Variants in NRXN1 observed in about 807,000 individuals in gnomAD.
NRXN1 encodes neurexin 1.
Under a neutral mutation model 150.9 loss-of-function variants are expected in NRXN1, and 39 were observed. That is an observed-to-expected ratio of 0.26 (90% confidence interval 0.20 to 0.34). The LOEUF (loss-of-function observed/expected upper bound fraction) is 0.34. NRXN1 is among the 10% of genes least tolerant of loss of function. The pLI is 1.00. For missense variants in NRXN1, 1,815 were observed against 1,949.9 expected, an observed-to-expected ratio of 0.93 and a Z score of 1.30; for synonymous variants, 924 against 757.0, an observed-to-expected ratio of 1.22 and a Z score of -3.62.
At chr2:50,355,294 A>C (rs1228587785) in intron 17 of NRXN1, among the ~76,000 whole-genome samples, 3 of 148,442 alleles carry the variant, frequency 2.0e-5, no homozygotes. Flanking sequence ...ATATATACAT[A>C]TATATATATT....
intron 8 of NRXN1, among the ~76,000 whole-genome samples, chr2:50,566,880 A>G (rs959008310): frequency 6.6e-6 from 1 of 151,880 alleles, no homozygotes; most frequent in Admixed American, 6.6e-5. Context: ...CACTTTCTCA[A>G]TCTCATCATC....
chr2:50,912,696 T>G (rs1684689188), intron 5 of NRXN1, among the ~76,000 whole-genome samples: 1 of 151,106 alleles, frequency 6.6e-6, no homozygotes, highest in South Asian at 2.1e-4. Context: ...GTGAGCTACT[T>G]GAACATGTTT....
intron 21 of NRXN1, among the ~76,000 whole-genome samples, chr2:49,982,236 G>C (rs1289403184): frequency 6.6e-6 from 1 of 152,126 alleles, no homozygotes; most frequent in Non-Finnish European, 1.5e-5. Context: ...ATTATCAATA[G>C]ATTTCATGAA....
At position 50,680,420 on chromosome 2, in the gene NRXN1, C is replaced by A. The variant is rs1047094401; in HGVS notation, c.833-56805G>T. The stretch of plus-strand genomic sequence containing the variant: ...AAAAAGAAAAAAGATTTTAAAATAG[C>A]AAGCAAGCTTTTGCTTTTCTTAAGA... On this transcript the variant is annotated intron_variant, in intron 5 of 22. Transcript: ENST00000401669. Among the ~76,000 whole-genome samples the A allele has an allele frequency of 2.6e-5, 4 of 151,958 alleles. 1 individual carries two copies. The South Asian group carries it at 8.3e-4, about 31-fold the overall frequency.
intron 5 of NRXN1, among the ~76,000 whole-genome samples, chr2:50,842,688 G>A (rs1282051433): frequency 2.0e-5 from 3 of 152,142 alleles, no homozygotes. Context: ...AGAAAAAAGT[G>A]TACATAAATG....
chr2:50,312,009 T>A (rs1273998713), intron 17 of NRXN1, among the ~76,000 whole-genome samples: 1 of 152,148 alleles, frequency 6.6e-6, no homozygotes, highest in African/African-American at 2.4e-5. Flanking sequence ...ATAGTTAGTG[T>A]CCCTCCTGGC....
At chr2:50,606,120 T>C (rs1317022597) in intron 8 of NRXN1, among the ~76,000 whole-genome samples, 2 of 151,734 alleles carry the variant, frequency 1.3e-5, no homozygotes, top group Non-Finnish European at 2.9e-5. Context: ...CATGGTGGCA[T>C]AGGCCTATAA....
In NRXN1 at chr2:50,623,310, T is replaced by C. The variant is rs1322456089; in HGVS notation, c.1134+4A>G. The C allele has an allele frequency of 1.9e-6, 3 of 1,611,092 alleles. No homozygotes were observed. Among genetic ancestry groups the C allele is most frequent in the Non-Finnish European group, 2.5e-6 (3 of 1,177,710 alleles). ...AGTTACTCTCTTATCCACTGCGCTG[T>C]TACCTGACGCAGATTCCTGGTGACT... is the stretch of plus-strand genomic sequence containing the variant. On this transcript the variant is annotated splice_donor_region_variant and intron_variant, in intron 6 of 22. Coordinates refer to ENST00000401669, the MANE Select transcript of NRXN1 (RefSeq NM_001330078.2).
At chr2:50,367,928 A>G (rs2079713346) in intron 17 of NRXN1, among the ~76,000 whole-genome samples, 1 of 152,010 alleles carries the variant, frequency 6.6e-6, no homozygotes, top group Non-Finnish European at 1.5e-5. Flanking sequence ...ACATACAATT[A>G]CCTGTCTATC....
intron 17 of NRXN1, among the ~76,000 whole-genome samples, chr2:50,322,593 G>A (rs1313051321): frequency 2.0e-5 from 3 of 152,114 alleles, no homozygotes; most frequent in Non-Finnish European, 4.4e-5. Flanking sequence ...AACTAATGAG[G>A]ATGAGTAGAG....
intron 17 of NRXN1, among the ~76,000 whole-genome samples, chr2:50,278,391 C>A (rs1039925124): frequency 6.9e-6 from 1 of 145,606 alleles, no homozygotes; most frequent in Non-Finnish European, 1.5e-5. Flanking sequence ...ACCTCAAGTG[C>A]TCCGCCCCCC....
chr2:50,682,396 G>C (rs1559118132), intron 5 of NRXN1, among the ~76,000 whole-genome samples: 1 of 152,046 alleles, frequency 6.6e-6, no homozygotes, highest in African/African-American at 2.4e-5. Flanking sequence ...TTTTAAAAGA[G>C]GTAAGAATAG....
At chr2:50,711,992 A>T (rs1343807533) in intron 5 of NRXN1, among the ~76,000 whole-genome samples, 1 of 152,166 alleles carries the variant, frequency 6.6e-6, no homozygotes, top group Admixed American at 6.5e-5. Context: ...CATATAAATT[A>T]CCCAGTTTAT....
intron 5 of NRXN1, among the ~76,000 whole-genome samples, chr2:50,885,182 T>G (rs1680038966): frequency 1.3e-5 from 2 of 151,582 alleles, no homozygotes; most frequent in African/African-American, 4.8e-5. Flanking sequence ...AGAATATCTA[T>G]GATCCTGAAT....
At chr2:50,350,317 C>T (rs953785056) in intron 17 of NRXN1, among the ~76,000 whole-genome samples, 3 of 152,174 alleles carry the variant, frequency 2.0e-5, no homozygotes, top group Admixed American at 6.5e-5. Flanking sequence ...CATTTAGGAA[C>T]ATTAGACAGC....
intron 17 of NRXN1, among the ~76,000 whole-genome samples, chr2:50,362,785 A>C (rs1019432435): frequency 6.6e-6 from 1 of 152,218 alleles, no homozygotes; most frequent in Non-Finnish European, 1.5e-5. Flanking sequence ...CGTACAGCCA[A>C]GACAATCCTA....
At chr2:50,474,807 T>C (rs534173807) in intron 15 of NRXN1, among the ~76,000 whole-genome samples, 2 of 145,582 alleles carry the variant, frequency 1.4e-5, no homozygotes, top group African/African-American at 5.1e-5. Context: ...CAAGCTTCCA[T>C]GCCACCTCTC....
chr2:50,650,532 AG>A (rs1204044493), intron 5 of NRXN1, among the ~76,000 whole-genome samples: 5 of 152,076 alleles, frequency 3.3e-5, no homozygotes, highest in Non-Finnish European at 7.4e-5. Flanking sequence ...ATTTTACCTC[AG>A]TCTTTAATGT....
At chr2:50,622,776 G>T (rs1181213256) in intron 6 of NRXN1, among the ~76,000 whole-genome samples, 1 of 152,066 alleles carries the variant, frequency 6.6e-6, no homozygotes, top group Non-Finnish European at 1.5e-5. Flanking sequence ...AAAAATAAAA[G>T]TATCTTCAAA....
Sources: allele counts gnomAD v4.1 joint callset (sites outside exome capture counted in the v4.1 genomes callset), GRCh38; gene constraint gnomAD v4.1.1; transcripts MANE v1.5; gene names NCBI Gene and HGNC (gene_info 2026-07-23, HGNC 2026-07-21).